SCFD2: variants seen among roughly 807,000 people sequenced by gnomAD.
The protein encoded by SCFD2 is sec1 family domain-containing protein 2.
SCFD2 carries 54 observed loss-of-function variants against 58.9 expected under a neutral mutation model. The observed-to-expected ratio is 0.92, with a 90% CI of 0.74 to 1.15. The LOEUF is 1.15. Ranked by LOEUF, SCFD2 falls within the 50% of genes most tolerant of loss-of-function variation. SCFD2 has a pLI of 0.00. For synonymous variants in SCFD2, 321 were observed against 335.9 expected, an observed-to-expected ratio of 0.96 and a Z score of 0.49; for missense variants, 805 against 836.6, an observed-to-expected ratio of 0.96 and a Z score of 0.47.
chr4:53,147,164 T>G (rs950281187), intron 4 of SCFD2, among the ~76,000 whole-genome samples: 1 of 152,240 alleles, frequency 6.6e-6, no homozygotes, highest in African/African-American at 2.4e-5. Flanking sequence ...AAAAAAATTT[T>G]TTTTAATGCT....
At chr4:53,101,010 A>C (rs1232765804) in intron 5 of SCFD2, among the ~76,000 whole-genome samples, 2 of 152,204 alleles carry the variant, frequency 1.3e-5, no homozygotes, top group Non-Finnish European at 2.9e-5. Context: ...CCTCTGGCAC[A>C]ACTTCAAATG....
rs533241138 is a variant in SCFD2, at chr4:53,140,159, C to T, written c.1561+5174G>A. On this transcript the variant is annotated intron_variant, in intron 5 of 8. Transcript: ENST00000401642. ...CTTCCCTCCACTATTGTCCTATGAC[C>T]CTGCCAAATCCCCCTCTCCGAGAAA... Among the ~76,000 whole-genome samples the T allele has an allele frequency of 6.8e-3, 1,019 of 150,796 alleles. 15 individuals are homozygous for T. Among genetic ancestry groups the T allele is most frequent in the African/African-American group, 0.024 (987 of 41,068 alleles).
chr4:53,047,470 A>G (rs1192903463), intron 5 of SCFD2, among the ~76,000 whole-genome samples: 1 of 152,022 alleles, frequency 6.6e-6, no homozygotes, highest in African/African-American at 2.4e-5. Context: ...CAAACAAACA[A>G]AAAGCCCCAC....
intron 4 of SCFD2, among the ~76,000 whole-genome samples, chr4:53,208,028 C>T: frequency 6.6e-6 from 1 of 151,610 alleles, no homozygotes; most frequent in East Asian, 1.9e-4. Flanking sequence ...AAGATTTCAG[C>T]TCACTGCAAC....
chr4:53,067,958 A>G (rs745362118), intron 5 of SCFD2, among the ~76,000 whole-genome samples: 10 of 152,090 alleles, frequency 6.6e-5, no homozygotes, highest in South Asian at 2.1e-4. Context: ...AAAGAAATCT[A>G]TAATACCAGA....
At chr4:53,302,907 G>A (rs918783343) in intron 3 of SCFD2, among the ~76,000 whole-genome samples, 1 of 152,158 alleles carries the variant, frequency 6.6e-6, no homozygotes, top group African/African-American at 2.4e-5. Flanking sequence ...TATATAGAGA[G>A]CTGAAACTGG....
intron 2 of SCFD2, among the ~76,000 whole-genome samples, chr4:53,337,936 T>C (rs766450779): frequency 3.9e-5 from 6 of 152,188 alleles, no homozygotes; most frequent in Non-Finnish European, 7.3e-5. Flanking sequence ...AGGTCCAATG[T>C]AATTACAACA....
At chr4:52,914,163 A>G (rs1023179544) in intron 6 of SCFD2, among the ~76,000 whole-genome samples, 2 of 152,234 alleles carry the variant, frequency 1.3e-5, no homozygotes, top group African/African-American at 4.8e-5. Context: ...ATGTCAAACT[A>G]TGCAGCCAGG....
chr4:53,340,709 C>A (rs1007898843), intron 2 of SCFD2, among the ~76,000 whole-genome samples: 2 of 152,190 alleles, frequency 1.3e-5, no homozygotes, highest in African/African-American at 4.8e-5. Context: ...GAGGCAATTC[C>A]CAATAGGGGG....
chr4:52,884,861 T>A (rs1718697868), intron 8 of SCFD2, among the ~76,000 whole-genome samples: 1 of 152,124 alleles, frequency 6.6e-6, no homozygotes, highest in African/African-American at 2.4e-5. Flanking sequence ...CGGGAATAAC[T>A]GCAGCCATCA....
At chr4:53,038,801 A>T (rs574575781) in intron 5 of SCFD2, among the ~76,000 whole-genome samples, 5 of 151,734 alleles carry the variant, frequency 3.3e-5, no homozygotes, top group African/African-American at 1.2e-4. Flanking sequence ...CAATCCTCCC[A>T]CCTTCGCCTC....
chr4:53,323,767 ATGTG>A (rs1733097154), intron 2 of SCFD2, among the ~76,000 whole-genome samples: 1 of 151,800 alleles, frequency 6.6e-6, no homozygotes, highest in Non-Finnish European at 1.5e-5. Flanking sequence ...GTGTGTGTGT[ATGTG>A]TGTGTATTGT....
At chr4:53,201,890 A>C (rs1728253096) in intron 4 of SCFD2, among the ~76,000 whole-genome samples, 2 of 151,892 alleles carry the variant, frequency 1.3e-5, no homozygotes, top group Admixed American at 1.3e-4. Context: ...TTTTCTTGTA[A>C]ATTTGTTTGA....
Position 53,042,755 on chromosome 4 carries a change from T to C in SCFD2, c.1561+102578A>G, listed in dbSNP as rs572186199. 1.4e-4 allele frequency among the ~76,000 whole-genome samples: 21 copies of C among 152,180 alleles called. No individual in the cohort carries two copies. In the South Asian group the frequency reaches 4.0e-3, roughly 29 times the overall value. On this transcript the variant is annotated intron_variant, in intron 5 of 8. Transcript: ENST00000401642. ...TCCTAATGTCCTCCACTTACACACA[T>C]TAGATTTCCAAGTGAAGTAACAAAA...
intron 5 of SCFD2, among the ~76,000 whole-genome samples, chr4:53,084,097 G>T (rs960560264): frequency 6.6e-6 from 1 of 152,076 alleles, no homozygotes; most frequent in African/African-American, 2.4e-5. Flanking sequence ...ATTTACCAGG[G>T]TGGAGTTTTT....
chr4:53,123,534 G>GT (rs1725541558), intron 5 of SCFD2, among the ~76,000 whole-genome samples: 1 of 52,080 alleles, frequency 1.9e-5, no homozygotes, highest in Admixed American at 2.3e-4. Context: ...GATGGGGGTG[G>GT]GGGGGGGGCA....
chr4:53,226,414 T>G (rs573979807), intron 4 of SCFD2, among the ~76,000 whole-genome samples: 1 of 152,218 alleles, frequency 6.6e-6, no homozygotes, highest in South Asian at 2.1e-4. Flanking sequence ...TATTGATATA[T>G]AATATTGATA....
intron 8 of SCFD2, among the ~76,000 whole-genome samples, chr4:52,875,089 C>G (rs529747654): frequency 6.6e-6 from 1 of 152,272 alleles, no homozygotes; most frequent in African/African-American, 2.4e-5. Flanking sequence ...GCAACTTGTA[C>G]AAGGACACAC....
intron 5 of SCFD2, among the ~76,000 whole-genome samples, chr4:53,131,317 G>A (rs528013004): frequency 1.1e-4 from 17 of 152,314 alleles, no homozygotes; most frequent in Admixed American, 3.3e-4. Context: ...AGTCAGAGAT[G>A]TCAGATAGAA....
Sources: gnomAD v4.1 joint callset for allele counts (sites outside exome capture counted in the v4.1 genomes callset) on GRCh38, gnomAD v4.1.1 for gene constraint, MANE v1.5 for transcripts, NCBI Gene and HGNC (gene_info 2026-07-23, HGNC 2026-07-21) for gene names.